COL23A1: variants seen among roughly 807,000 people sequenced by gnomAD.
The protein encoded by COL23A1 is collagen type XXIII alpha 1 chain.
COL23A1 carries 97 observed loss-of-function variants against 99.3 expected under a neutral mutation model. The observed-to-expected ratio is 0.98, with a 90% CI of 0.83 to 1.16. The LOEUF is 1.16. Ranked by LOEUF, COL23A1 falls within the 50% of genes most tolerant of loss-of-function variation. COL23A1 has a pLI of 0.00. For synonymous variants in COL23A1, 320 were observed against 308.2 expected (o/e 1.04, Z -0.40); for missense variants, 762 against 757.4 (o/e 1.01, Z -0.07).
intron 12 of COL23A1, 95 bp downstream of exon 12, chr5:178,259,626 T>C (rs887227165): frequency 7.5e-6 from 8 of 1,073,738 alleles, no homozygotes; most frequent in Admixed American, 2.1e-5. Flanking sequence ...GCCCATCCCG[T>C]CCCCATCCCC....
intron 2 of COL23A1, among the ~76,000 whole-genome samples, chr5:178,461,642 T>G (rs1756128595): frequency 2.0e-5 from 3 of 152,370 alleles, no homozygotes; most frequent in Non-Finnish European, 2.9e-5. Flanking sequence ...AAGCTCCTGC[T>G]GGCTCACGGC....
At chr5:178,381,533 T>G (rs1763382467) in intron 2 of COL23A1, among the ~76,000 whole-genome samples, 2 of 152,164 alleles carry the variant, frequency 1.3e-5, no homozygotes, top group Non-Finnish European at 2.9e-5. Context: ...TCCATGCATT[T>G]GTGTTAGTGA....
rs111301447 is a variant in COL23A1 at position 178,365,603 on chromosome 5, C to T, written c.362-58684G>A. ...CTGCTTCCTGGTCTCTACCACATGC[C>T]CCAGCCTCACCCCACGGCCCGCCCA... On this transcript the variant is annotated intron_variant, in intron 2 of 28. Transcript: ENST00000390654. The surrounding 1 kb of genome is among the most constrained non-coding windows in gnomAD (Gnocchi z 5.2). Among the ~76,000 whole-genome samples the T allele has an allele frequency of 7.2e-5, 11 of 152,292 alleles. No homozygotes were observed. The highest frequency in any genetic ancestry group is 2.4e-4 in the African/African-American group (10 of 41,564).
chr5:178,409,159 C>G lies in COL23A1; in HGVS notation c.362-102240G>C, dbSNP rs186059099. ...TGTAGTAGCCCCAAATTGGAAACAA[C>G]CAAAATATCCAACAATAAGTAGGTG... is the stretch of plus-strand genomic sequence containing the variant. On this transcript the variant is annotated intron_variant, in intron 2 of 28. Transcript: ENST00000390654. Among the ~76,000 whole-genome samples the G allele has an allele frequency of 4.5e-4, 69 of 152,032 alleles. 1 individual carries two copies. The highest frequency in any genetic ancestry group is 6.3e-4 in the South Asian group (3 of 4,800).
intron 2 of COL23A1, among the ~76,000 whole-genome samples, chr5:178,385,036 C>G (rs181333260): frequency 6.6e-6 from 1 of 152,160 alleles, no homozygotes; most frequent in Non-Finnish European, 1.5e-5. Context: ...CAGGTCCTGA[C>G]GGGGTAGTCT....
chr5:178,562,737 G>GGTGGT (rs1491382970), intron 1 of COL23A1: 8 of 111,770 alleles, frequency 7.2e-5, no homozygotes, highest in African/African-American at 3.4e-4. Context: ...GGCTGGTGGT[G>GGTGGT]GGGGGGGTGC....
intron 2 of COL23A1, among the ~76,000 whole-genome samples, chr5:178,539,252 T>G (rs59743699): frequency 0.13 from 20,403 of 152,064 alleles, 1,476 homozygotes; most frequent in Middle Eastern, 0.21. Flanking sequence ...AAAGCTGTTA[T>G]GAGAAATAAT....
chr5:178,278,485 G>A (rs887716304), intron 5 of COL23A1, among the ~76,000 whole-genome samples: 19 of 152,222 alleles, frequency 1.2e-4, no homozygotes, highest in African/African-American at 4.1e-4. Context: ...ACTGCACCCC[G>A]ATGGGGCGGG....
At chr5:178,425,422 A>AAAATAAATAAATAAAT (rs141540849) in intron 2 of COL23A1, among the ~76,000 whole-genome samples, 1 of 142,908 alleles carries the variant, frequency 7.0e-6, no homozygotes. Context: ...ACTCCATCTC[A>AAAATAAATAAATAAAT]AAATAAATAA....
intron 2 of COL23A1, among the ~76,000 whole-genome samples, chr5:178,520,859 T>C (rs992320610): frequency 5.3e-5 from 8 of 152,188 alleles, no homozygotes; most frequent in African/African-American, 1.4e-4. Context: ...GTCCAGACGG[T>C]ATTAGGAAAC....
At chr5:178,537,574 G>A (rs1761046475) in intron 2 of COL23A1, among the ~76,000 whole-genome samples, 1 of 152,220 alleles carries the variant, frequency 6.6e-6, no homozygotes, top group Non-Finnish European at 1.5e-5. Flanking sequence ...CAGCAGACAT[G>A]AGGGCCGGAC....
intron 2 of COL23A1, among the ~76,000 whole-genome samples, chr5:178,541,447 G>C (rs578088283): frequency 2.0e-5 from 3 of 152,266 alleles, no homozygotes; most frequent in African/African-American, 7.2e-5. Context: ...AATTAGCCGG[G>C]TGTGGTGGTC....
chr5:178,567,914 C>CG (rs1268228059), intron 1 of COL23A1, among the ~76,000 whole-genome samples: 4 of 152,130 alleles, frequency 2.6e-5, no homozygotes, highest in Non-Finnish European at 5.9e-5. Flanking sequence ...TCCCTCTTCC[C>CG]GGAGGTGAAG....
chr5:178,358,332 ATGTCTAATG>A (rs1561897335), intron 2 of COL23A1, among the ~76,000 whole-genome samples: 1 of 138,016 alleles, frequency 7.2e-6, no homozygotes, highest in Non-Finnish European at 1.5e-5. Flanking sequence ...ATGTGTATGT[ATGTCTAATG>A]TGTGTATTGT....
intron 1 of COL23A1, among the ~76,000 whole-genome samples, chr5:178,571,835 C>T (rs540363444): frequency 1.1e-4 from 17 of 152,120 alleles, no homozygotes; most frequent in African/African-American, 2.9e-4. Flanking sequence ...TTTGGGAGGC[C>T]GAGGCGGGCG....
chr5:178,357,551 AATG>A (rs1422262867), intron 2 of COL23A1, among the ~76,000 whole-genome samples: 1 of 152,230 alleles, frequency 6.6e-6, no homozygotes, highest in African/African-American at 2.4e-5. Context: ...ATCTGCTCTG[AATG>A]ATACCAAGAG....
chr5:178,277,506 C>T (rs1265359539), intron 5 of COL23A1, among the ~76,000 whole-genome samples: 2 of 152,240 alleles, frequency 1.3e-5, no homozygotes, highest in Non-Finnish European at 2.9e-5. Context: ...CAGGCTCCAC[C>T]CTTCCCTGTG....
At chr5:178,498,208 AT>A (rs1758299976) in intron 2 of COL23A1, among the ~76,000 whole-genome samples, 2 of 8,720 alleles carry the variant, frequency 2.3e-4, no homozygotes, top group Admixed American at 8.8e-4. Flanking sequence ...TTATTTAAAT[AT>A]ATATATATAT....
Position 178,294,528 on chromosome 5 carries a change from T to TC in COL23A1, c.407-4160dup, listed in dbSNP as rs879431714. Among the ~76,000 whole-genome samples the TC allele has an allele frequency of 6.6e-4, 66 of 100,696 alleles. 19 individuals carry two copies. The highest frequency in any genetic ancestry group is 1.7e-3 in the African/African-American group (41 of 23,938). 66.1% of individuals were successfully genotyped at this position (100,696 alleles called of 152,430 possible). On this transcript the variant is annotated intron_variant, in intron 3 of 28. Transcript: ENST00000390654. ...CTCCCTCCCCAAATCACTACCGAGC[T>TC]CCTTCCCCAGTGCCCCACACCTGAG...
Sources: gnomAD v4.1 joint callset for allele counts (sites outside exome capture counted in the v4.1 genomes callset) on GRCh38, gnomAD v4.1.1 for gene constraint, Gnocchi (gnomAD v3.1) non-coding constraint, MANE v1.5 for transcripts, NCBI Gene and HGNC (gene_info 2026-07-23, HGNC 2026-07-21) for gene names.